MBTD1: variants seen among roughly 807,000 people sequenced by gnomAD.
MBTD1 encodes mbt domain containing 1.
Under a neutral mutation model 87.8 loss-of-function variants are expected in MBTD1, and 24 were observed. The observed-to-expected ratio is 0.27, with a 90% confidence interval of 0.20 to 0.38. The LOEUF (loss-of-function observed/expected upper bound fraction) is 0.38. Among genes scored for constraint, MBTD1 ranks in the 10% least tolerant of loss-of-function variants. MBTD1 has a pLI of 1.00. For missense variants in MBTD1, 436 were observed against 760.2 expected (o/e 0.57, Z 5.02); for synonymous variants, 237 against 248.6 (o/e 0.95, Z 0.44).
rs376471326 is a variant in MBTD1 at position 51,192,905 on chromosome 17, T to C, written c.1567A>G (p.Arg523Gly). The C allele has an allele frequency of 1.2e-6, 2 of 1,614,044 alleles. No individual in the cohort carries two copies. Among genetic ancestry groups the C allele is most frequent in the Non-Finnish European group, 1.7e-6 (2 of 1,179,990 alleles). The change falls in exon 15 of 17, where the codon AGG becomes GGG. Residue 523 changes from arginine to glycine, a missense_variant. Coordinates refer to ENST00000586178, the MANE Select transcript of MBTD1 (RefSeq NM_017643.3). ...TCTTCCCATCCATCAAAATGTATCC[T>C]CAAGAGACGATGAATAATTCGAGTT... ...TVTRIIHRLL[R>G]IHFDGWEEEY...
chr17:51,192,464 A>G, intron 15 of MBTD1, 184 bp from the exon 16 acceptor site: 1 of 628,118 alleles, frequency 1.6e-6, no homozygotes, highest in Non-Finnish European at 2.7e-6. Context: ...ATTTTCCACT[A>G]TTTACTCAAA....
chr17:51,194,757 GC>G (rs1186592529), intron 13 of MBTD1, among the ~76,000 whole-genome samples: 3 of 150,748 alleles, frequency 2.0e-5, no homozygotes, highest in Admixed American at 6.6e-5. Context: ...ACATGGTTGT[GC>G]CTTTCAGCTG....
At chr17:51,259,650 G>A (rs1185842284) in intron 1 of MBTD1, among the ~76,000 whole-genome samples, 185 bp downstream of exon 1, 1 of 149,682 alleles carries the variant, frequency 6.7e-6, no homozygotes, top group Non-Finnish European at 1.5e-5. Flanking sequence ...ACGGGGTGGG[G>A]GGAGGGGAAC....
At chr17:51,242,986 A>G (rs1284764607) in intron 2 of MBTD1, among the ~76,000 whole-genome samples, 1 of 152,264 alleles carries the variant, frequency 6.6e-6, no homozygotes, top group African/African-American at 2.4e-5. Context: ...CTCTCGTTTC[A>G]ACATTTAGTT....
chr17:51,182,594 C>G (rs2050366253), intron 16 of MBTD1, among the ~76,000 whole-genome samples: 1 of 152,166 alleles, frequency 6.6e-6, no homozygotes, highest in Non-Finnish European at 1.5e-5. Context: ...TGAATCTGGG[C>G]AGCCTGAGAT....
At chr17:51,228,868 A>T (rs2053395028) in intron 2 of MBTD1, among the ~76,000 whole-genome samples, 1 of 109,446 alleles carries the variant, frequency 9.1e-6, no homozygotes, top group Non-Finnish European at 1.7e-5. Flanking sequence ...ACTGTACTCC[A>T]GCCTGGGTGA....
At chr17:51,187,866 G>A (rs139387129) in intron 16 of MBTD1, among the ~76,000 whole-genome samples, 133 of 117,966 alleles carry the variant, frequency 1.1e-3, no homozygotes, top group South Asian at 1.5e-3. Flanking sequence ...AAGAAAGAAA[G>A]AAAAAAAAAA....
upstream of MBTD1, chr17:51,260,831 G>T (rs1211662992): frequency 2.5e-6 from 4 of 1,597,416 alleles, no homozygotes; most frequent in Non-Finnish European, 3.4e-6. Context: ...GCTGGAGGAG[G>T]ACAAACCGGC....
In MBTD1 at chr17:51,218,414, A is replaced by G. The variant is rs2052694926; in HGVS notation, c.403+516T>C. 2.0e-5 allele frequency among the ~76,000 whole-genome samples: 3 copies of G among 151,524 alleles called. No homozygotes were observed. The Admixed American group carries it at 2.0e-4, about 10-fold the overall frequency. The stretch of plus-strand genomic sequence containing the variant: ...TGTGGTGGCGTGCGCCTGTAGTCTC[A>G]GCTACTTGGGAGGCTGAGACATGAG... On this transcript the variant is annotated intron_variant, in intron 5 of 16. Coordinates refer to ENST00000586178, the MANE Select transcript of MBTD1 (RefSeq NM_017643.3).
In MBTD1 at chr17:51,259,200, T is replaced by C. The variant is rs982962209; in HGVS notation, c.-106A>G. On this transcript the variant is annotated 5_prime_UTR_variant, in exon 2 of 17. Coordinates refer to ENST00000586178, the MANE Select transcript of MBTD1 (RefSeq NM_017643.3). The stretch of plus-strand genomic sequence containing the variant: ...GCTTTGGATGACCTCTAATGTCTCT[T>C]CCGACTCTGAAATGTTAGGATTCTT... 19 of 1,197,994 alleles carry C rather than the reference T, an allele frequency of 1.6e-5. No individual in the cohort carries two copies. In the African/African-American group the frequency reaches 2.4e-4, roughly 15 times the overall value. The allele number at this position is 1,197,994 out of a possible 1,614,324, so 74.2% of individuals were successfully genotyped here.
At chr17:51,242,943 T>A (rs2054236781) in intron 2 of MBTD1, among the ~76,000 whole-genome samples, 1 of 152,212 alleles carries the variant, frequency 6.6e-6, no homozygotes, top group South Asian at 2.1e-4. Context: ...TGCAGCTGCA[T>A]AGTACTCCAT....
At chr17:51,193,572 G>C (rs2050915152) in intron 13 of MBTD1, 62 bp from the exon 14 acceptor site, 1 of 912,748 alleles carries the variant, frequency 1.1e-6, no homozygotes, top group African/African-American at 1.7e-5. Flanking sequence ...TTAAAATGCA[G>C]ACAAAAAGTA....
chr17:51,180,809 G>C (rs1353515109), intron 16 of MBTD1, 115 bp from the exon 17 acceptor site: 1 of 669,050 alleles, frequency 1.5e-6, no homozygotes, highest in Admixed American at 2.8e-5. Flanking sequence ...CATTTCTTCA[G>C]TTAATTTTAA....
In MBTD1 at chr17:51,244,040, T is replaced by A. The variant is rs577837923; in HGVS notation, c.-49+15103A>T. 1.4e-3 allele frequency among the ~76,000 whole-genome samples: 209 copies of A among 152,330 alleles called. 7 individuals are homozygous for A. The South Asian group carries it at 0.041, about 30-fold the overall frequency. On this transcript the variant is annotated intron_variant, in intron 2 of 16. Transcript: ENST00000586178. ...TGTTGATTACTTTGTTAAGGTGTAG[T>A]CCAGTTTTCCACTGTATACTACGTA...
chr17:51,186,691 G>A (rs1019962985), intron 16 of MBTD1, among the ~76,000 whole-genome samples: 6 of 151,818 alleles, frequency 4.0e-5, no homozygotes, highest in African/African-American at 1.2e-4. Context: ...GGAGAATGGC[G>A]TGAACCTGGG....
chr17:51,258,888 C>T (rs369543955), intron 2 of MBTD1, among the ~76,000 whole-genome samples: 2 of 152,204 alleles, frequency 1.3e-5, no homozygotes, highest in African/African-American at 4.8e-5. Context: ...TATCTCTCAA[C>T]CCCCCTTCCT....
chr17:51,242,053 C>T (rs2054189413), intron 2 of MBTD1, among the ~76,000 whole-genome samples: 1 of 152,202 alleles, frequency 6.6e-6, no homozygotes, highest in Non-Finnish European at 1.5e-5. Context: ...ATAACCATTT[C>T]TCTGTCCCAG....
chr17:51,209,716 A>G (rs2052057815), intron 6 of MBTD1, among the ~76,000 whole-genome samples: 1 of 152,308 alleles, frequency 6.6e-6, no homozygotes, highest in African/African-American at 2.4e-5. Context: ...AATCTTTAAT[A>G]TTAATCTGTA....
chr17:51,240,980 A>G (rs535107639), intron 2 of MBTD1, among the ~76,000 whole-genome samples: 31 of 148,602 alleles, frequency 2.1e-4, no homozygotes, highest in African/African-American at 7.6e-4. Context: ...GGTGATGTTA[A>G]TTTTTTTTTT....
Sources: gnomAD v4.1 joint callset for allele counts (sites outside exome capture counted in the v4.1 genomes callset) on GRCh38, gnomAD v4.1.1 for gene constraint, MANE v1.5 for transcripts, NCBI Gene and HGNC (gene_info 2026-07-23, HGNC 2026-07-21) for gene names.